Variants in VRK2 observed in about 807,000 individuals in gnomAD.
VRK2 encodes VRK serine/threonine kinase 2.
VRK2 carries 60 observed loss-of-function variants against 57.6 expected under a neutral mutation model. That is an observed-to-expected ratio of 1.04 (90% CI 0.85 to 1.29). The LOEUF is 1.29. Ranked by LOEUF, VRK2 falls within the 50% of genes most tolerant of loss-of-function variation. The pLI is 0.00. For missense variants in VRK2, 705 were observed against 588.1 expected, an observed-to-expected ratio of 1.20 and a Z score of -2.06; for synonymous variants, 231 against 199.2, an observed-to-expected ratio of 1.16 and a Z score of -1.35.
chr2:57,937,701 G>A lies in VRK2; in HGVS notation c.-439+29862G>A, dbSNP rs1448541201. Among the ~76,000 whole-genome samples, 5 of 152,226 alleles carry A rather than the reference G, an allele frequency of 3.3e-5. No individual in the cohort carries two copies. In the East Asian group the frequency reaches 5.8e-4, roughly 18 times the overall value. The stretch of plus-strand genomic sequence containing the variant: ...TCCTTAGAAGCAATAGCAGAGGCAT[G>A]TAAGAAAACCATACTTTCTTTACCC... On this transcript the variant is annotated intron_variant, in intron 1 of 15. Transcript: ENST00000417641.
intron 1 of VRK2, among the ~76,000 whole-genome samples, chr2:57,958,318 T>C (rs1671647026): frequency 6.6e-6 from 1 of 152,068 alleles, no homozygotes; most frequent in African/African-American, 2.4e-5. Context: ...AGAAATCAAA[T>C]GTCTACATGA....
intron 3 of VRK2, among the ~76,000 whole-genome samples, chr2:58,037,162 C>T (rs536022616): frequency 6.6e-6 from 1 of 152,092 alleles, no homozygotes; most frequent in African/African-American, 2.4e-5. Context: ...TCTCCAATTC[C>T]TGGGCTCAGG....
At chr2:57,979,546 G>C (rs1283005948) in intron 1 of VRK2, among the ~76,000 whole-genome samples, 1 of 145,506 alleles carries the variant, frequency 6.9e-6, no homozygotes, top group Non-Finnish European at 1.5e-5. Context: ...AATGATGTTG[G>C]CCTCATAGAA....
chr2:58,081,089 T>G (rs1558608642), intron 2 of VRK2, among the ~76,000 whole-genome samples: 1 of 152,044 alleles, frequency 6.6e-6, no homozygotes, highest in African/African-American at 2.4e-5. Context: ...AACATTTTTT[T>G]CATTGATATC....
At chr2:57,926,998 T>TG (rs540927767) in intron 1 of VRK2, among the ~76,000 whole-genome samples, 30,128 of 142,658 alleles carry the variant, frequency 0.21, 4,446 homozygotes, top group African/African-American at 0.41. Context: ...TTTTAATTTC[T>TG]TGTGTGTGTG....
chr2:57,956,875 A>G (rs1558511795), intron 1 of VRK2, among the ~76,000 whole-genome samples: 1 of 152,176 alleles, frequency 6.6e-6, no homozygotes, highest in Non-Finnish European at 1.5e-5. Flanking sequence ...AATATCATGG[A>G]CATTGATATT....
At chr2:57,987,425 AG>A (rs1672631858) in intron 1 of VRK2, among the ~76,000 whole-genome samples, 1 of 152,208 alleles carries the variant, frequency 6.6e-6, no homozygotes, top group South Asian at 2.1e-4. Context: ...ATTAGTAATT[AG>A]GGAAAGGTAA....
At chr2:58,120,184 C>CTTTCTTTTTTTTTTTTTTTTTTTTTTTT (rs1677215194) in intron 7 of VRK2, among the ~76,000 whole-genome samples, 2 of 51,986 alleles carry the variant, frequency 3.8e-5, no homozygotes, top group African/African-American at 2.1e-4. Context: ...TTTTTCTTTT[C>CTTTCTTTTTTTTTTTTTTTTTTTTTTTT]TTTTTTTTTT....
intron 1 of VRK2, among the ~76,000 whole-genome samples, chr2:58,018,634 C>A (rs2103666087): frequency 1.3e-5 from 2 of 152,278 alleles, no homozygotes; most frequent in South Asian, 4.1e-4. Flanking sequence ...CCTCTAATTC[C>A]TCTGGATAAA....
intron 1 of VRK2, among the ~76,000 whole-genome samples, chr2:57,917,053 T>A (rs1447842309): frequency 6.6e-6 from 1 of 152,160 alleles, no homozygotes; most frequent in Non-Finnish European, 1.5e-5. Flanking sequence ...TGATGAATCA[T>A]TAGGTTCTAA....
At chr2:58,007,268 C>G (rs1478166739) in intron 1 of VRK2, among the ~76,000 whole-genome samples, 1 of 151,664 alleles carries the variant, frequency 6.6e-6, no homozygotes. Flanking sequence ...TATACACACT[C>G]ATACATATGT....
chr2:58,068,360 C>T (rs1668909628), intron 2 of VRK2, among the ~76,000 whole-genome samples: 1 of 152,040 alleles, frequency 6.6e-6, no homozygotes, highest in Non-Finnish European at 1.5e-5. Context: ...TAATTTTTTT[C>T]CCATCTTCAT....
intron 1 of VRK2, among the ~76,000 whole-genome samples, chr2:57,990,366 G>C (rs1186895203): frequency 6.6e-6 from 1 of 152,170 alleles, no homozygotes; most frequent in African/African-American, 2.4e-5. Context: ...CTGGACCATA[G>C]ACAGTGCAAC....
intron 1 of VRK2, among the ~76,000 whole-genome samples, chr2:57,927,551 T>G (rs995106692): frequency 2.6e-5 from 4 of 152,100 alleles, no homozygotes; most frequent in African/African-American, 7.2e-5. Flanking sequence ...ATGGGCATAT[T>G]TTAGTCTTTC....
At chr2:58,130,968 AATATAT>A (rs1449513080) in intron 8 of VRK2, among the ~76,000 whole-genome samples, 1 of 151,044 alleles carries the variant, frequency 6.6e-6, no homozygotes, top group South Asian at 2.1e-4. Context: ...GGTACTTATA[AATATAT>A]ATAAATTATG....
chr2:58,025,475 G>C (rs1276853573), intron 1 of VRK2, among the ~76,000 whole-genome samples: 1 of 151,980 alleles, frequency 6.6e-6, no homozygotes, highest in Non-Finnish European at 1.5e-5. Flanking sequence ...AGAATCATAG[G>C]CTAGTTTTCA....
At chr2:57,917,358 C>A (rs1318548424) in intron 1 of VRK2, among the ~76,000 whole-genome samples, 1 of 151,718 alleles carries the variant, frequency 6.6e-6, no homozygotes. Flanking sequence ...GGAGGTCAGG[C>A]TATAAATTCA....
intron 10 of VRK2, among the ~76,000 whole-genome samples, chr2:58,135,872 A>G (rs1305741365): frequency 6.6e-6 from 1 of 152,194 alleles, no homozygotes; most frequent in African/African-American, 2.4e-5. Context: ...CTAATTTAAC[A>G]ATTGAGTTAG....
chr2:58,137,165 T>TATATCATATATATGATA (rs1400037447), intron 10 of VRK2, among the ~76,000 whole-genome samples: 1 of 4,900 alleles, frequency 2.0e-4, no homozygotes, highest in African/African-American at 3.2e-4. Context: ...TTTATATATA[T>TATATCATATATATGATA]CATATATCAT....
Sources: allele counts gnomAD v4.1 joint callset (sites outside exome capture counted in the v4.1 genomes callset), GRCh38; gene constraint gnomAD v4.1.1; transcripts MANE v1.5; gene names NCBI Gene and HGNC (gene_info 2026-07-23, HGNC 2026-07-21).